The following ZDBF2 variants were observed in gnomAD, a reference collection of about 807,000 sequenced individuals.
ZDBF2 encodes zinc finger DBF-type containing 2.
In ZDBF2, 6 loss-of-function variants were observed where a neutral mutation model predicts 9.4. The ratio of observed to expected loss-of-function variants is 0.64; its 90% CI spans 0.35 to 1.27. The LOEUF is 1.27. Ranked by LOEUF, ZDBF2 falls within the 50% of genes most tolerant of loss-of-function variation. The probability of loss-of-function intolerance (pLI) is 0.03; values close to 1 mark genes in which losing one functional copy is unlikely to be tolerated. For missense variants in ZDBF2, 2,697 were observed against 2,766.8 expected, an observed-to-expected ratio of 0.97 and a Z score of 0.57; for synonymous variants, 905 against 946.3, an observed-to-expected ratio of 0.96 and a Z score of 0.80.
Position 206,311,812 on chromosome 2 carries a change from T to C in ZDBF2, c.*219T>C. ...AACAGCCTTTGTCCAACATTTTCTG[T>C]AGAAGAACTTCATCTTAATTTATGT... On this transcript the variant is annotated 3_prime_UTR_variant, in exon 5 of 5. Coordinates refer to ENST00000374423, the MANE Select transcript of ZDBF2 (RefSeq NM_020923.3). The C allele has an allele frequency of 2.8e-6, 1 of 356,886 alleles. No homozygotes were observed. The highest frequency in any genetic ancestry group is 4.8e-6 in the Non-Finnish European group (1 of 210,280). The allele number at this position is 356,886 out of a possible 1,614,324, so 22.1% of individuals were successfully genotyped here.
chr2:206,292,881 CAT>C (rs781448745), intron 3 of ZDBF2, among the ~76,000 whole-genome samples: 2 of 151,916 alleles, frequency 1.3e-5, no homozygotes, highest in Non-Finnish European at 2.9e-5. Context: ...ATATTGTAAA[CAT>C]GTCAGTTCTG....
At chr2:206,289,187 G>A (rs1404727483) in intron 3 of ZDBF2, among the ~76,000 whole-genome samples, 1 of 152,072 alleles carries the variant, frequency 6.6e-6, no homozygotes, top group Admixed American at 6.5e-5. Context: ...ATTTCCCCAG[G>A]GGGCAATGTG....
Position 206,308,554 on chromosome 2 carries a change from A to G in ZDBF2, c.4026A>G (p.Lys1342=), listed in dbSNP as rs1344843475. The stretch of plus-strand genomic sequence containing the variant: ...ATATCCCTCTTCAGTCAGTGATAAA[A>G]CAACCACACATTTTGGAAGAGGAGC... ...VSNIPLQSVI[K]QPHILEEEHA... The change falls in exon 5 of 5, where the codon AAA becomes AAG. Residue 1342 remains lysine, a synonymous_variant. Coordinates refer to ENST00000374423, the MANE Select transcript of ZDBF2 (RefSeq NM_020923.3). The G allele has an allele frequency of 6.2e-7, 1 of 1,613,634 alleles. No individual in the cohort carries two copies. The highest frequency in any genetic ancestry group is 8.5e-7 in the Non-Finnish European group (1 of 1,179,816).
chr2:206,311,844 A>G lies in ZDBF2; in HGVS notation c.*251A>G, dbSNP rs1183762104. The G allele has an allele frequency of 7.6e-6, 2 of 264,786 alleles. No homozygotes were observed. The highest frequency in any genetic ancestry group is 7.2e-5 in the East Asian group (1 of 13,894). 16.4% of individuals were successfully genotyped at this position (264,786 alleles called of 1,614,324 possible). A position where few individuals can be genotyped will look rare whatever the true frequency, so the allele number is the denominator to read the frequency against. On this transcript the variant is annotated 3_prime_UTR_variant, in exon 5 of 5. Coordinates refer to ENST00000374423, the MANE Select transcript of ZDBF2 (RefSeq NM_020923.3). ...ACTTCATCTTAATTTATGTCACAAA[A>G]TAATTTAGCACCGTATATAGAATTT...
At position 206,279,179 on chromosome 2, in the gene ZDBF2, G is replaced by C. The variant is rs1691182416; in HGVS notation, c.-102-361G>C. 2.0e-5 allele frequency among the ~76,000 whole-genome samples: 3 copies of C among 152,158 alleles called. No individual in the cohort carries two copies. The South Asian group carries it at 6.2e-4, about 32-fold the overall frequency. ...TCATTAAAGCTAACGTGGTACCTGA[G>C]CCTCGGGAAGTTTCTCATGAAGCTC... On this transcript the variant is annotated intron_variant, in intron 1 of 4. Transcript: ENST00000374423.
At chr2:206,299,194 T>A (rs1226772642) in intron 4 of ZDBF2, among the ~76,000 whole-genome samples, 1 of 152,126 alleles carries the variant, frequency 6.6e-6, no homozygotes, top group African/African-American at 2.4e-5. Context: ...TGCAACTATT[T>A]CTATGGTATA....
At chr2:206,288,703 C>A (rs1691725370) in intron 3 of ZDBF2, among the ~76,000 whole-genome samples, 3 of 152,048 alleles carry the variant, frequency 2.0e-5, no homozygotes, top group Admixed American at 2.0e-4. Flanking sequence ...CTTTTAGGCA[C>A]CCCCTAGTAG....
At chr2:206,287,274 A>C (rs1691651763) in intron 3 of ZDBF2, among the ~76,000 whole-genome samples, 1 of 152,228 alleles carries the variant, frequency 6.6e-6, no homozygotes, top group East Asian at 1.9e-4. Context: ...AGCGGTGATG[A>C]ATTCCTTCAG....
In ZDBF2 at chr2:206,306,950, G is replaced by C; in HGVS notation, c.2422G>C (p.Ala808Pro). Residue 808 changes from alanine to proline, a missense_variant, in exon 5 of 5, where the codon GCT (alanine) becomes CCT (proline). Coordinates refer to ENST00000374423, the MANE Select transcript of ZDBF2 (RefSeq NM_020923.3). Reference sequence around the variant, plus strand: ...TTCAGTAATTGACCAACCTGAAGTAGCTGTTTATGAGGAAGAAACTGTTGA... The same window carrying C: ...TTCAGTAATTGACCAACCTGAAGTACCTGTTTATGAGGAAGAAACTGTTGA... Reference protein sequence around the residue: ...LYSVIDQPEVAVYEEETVDLE... With the variant: ...LYSVIDQPEVPVYEEETVDLE... The C allele has an allele frequency of 6.2e-7, 1 of 1,613,694 alleles. No homozygotes were observed. Among genetic ancestry groups the C allele is most frequent in the Non-Finnish European group, 8.5e-7 (1 of 1,179,750 alleles).
At chr2:206,301,556 G>T (rs145503678) in intron 4 of ZDBF2, among the ~76,000 whole-genome samples, 72 of 152,022 alleles carry the variant, frequency 4.7e-4, no homozygotes, top group African/African-American at 1.6e-3. Context: ...ATGTGTGTGT[G>T]TATATCTCAT....
At chr2:206,282,232 T>G (rs1015154272) in intron 3 of ZDBF2, among the ~76,000 whole-genome samples, 8 of 152,170 alleles carry the variant, frequency 5.3e-5, no homozygotes, top group African/African-American at 1.9e-4. Context: ...TTTAAGGAAG[T>G]GACATTGAGT....
chr2:206,306,930 T>C lies in ZDBF2; in HGVS notation c.2402T>C (p.Val801Ala). 3 of 1,613,712 alleles carry C rather than the reference T, an allele frequency of 1.9e-6. No individual in the cohort carries two copies. The highest frequency in any genetic ancestry group is 2.5e-6 in the Non-Finnish European group (3 of 1,179,744). The change falls in exon 5 of 5, where the codon GTA becomes GCA. Residue 801 changes from valine (V) to alanine (A), a missense_variant. Val to Ala is a moderately conservative substitution (Grantham distance 64). This residue lies in a region of ZDBF2 where 910 missense variants were observed against 973.6 expected (regional missense o/e 0.93). Transcript: ENST00000374423. ...TFDSDIPLYS[V>A]IDQPEVAVYE... ...GATTCTGATATTCCTCTTTATTCAG[T>C]AATTGACCAACCTGAAGTAGCTGTT...
intron 3 of ZDBF2, 43 bp from the exon 4 acceptor site, chr2:206,297,203 A>G (rs1410751494): frequency 4.7e-6 from 4 of 856,908 alleles, no homozygotes; most frequent in Non-Finnish European, 7.8e-6. Context: ...TCACTACTGA[A>G]TACTGTCCAT....
chr2:206,312,127 CA>C lies in ZDBF2; in HGVS notation c.*537del, dbSNP rs963360348. The C allele has an allele frequency of 1.3e-5, 2 of 152,094 alleles. No individual in the cohort carries two copies. The highest frequency in any genetic ancestry group is 1.3e-4 in the Admixed American group (2 of 15,266). 9.4% of individuals were successfully genotyped at this position (152,094 alleles called of 1,614,324 possible). A position where few individuals can be genotyped will look rare whatever the true frequency, so the allele number is the denominator to read the frequency against. On this transcript the variant is annotated 3_prime_UTR_variant, in exon 5 of 5. Coordinates refer to ENST00000374423, the MANE Select transcript of ZDBF2 (RefSeq NM_020923.3). ...CTGGTGATTTTTTTTATGCATAGCA[CA>C]AACTCCTCCTGCTTCATTTAAATTG...
chr2:206,308,271 A>T lies in ZDBF2; in HGVS notation c.3743A>T (p.Asp1248Val), dbSNP rs1188091272. 1 of 1,613,918 alleles carries T rather than the reference A, an allele frequency of 6.2e-7. No individual in the cohort carries two copies. Among genetic ancestry groups the T allele is most frequent in the East Asian group, 2.2e-5 (1 of 44,882 alleles). The change falls in exon 5 of 5, where the codon GAT becomes GTT. Residue 1248 changes from aspartate to valine, a missense_variant. Physicochemically the swap from Asp to Val is radical, Grantham distance 152. Transcript: ENST00000374423. ...GGTTTTGAAATTATGTATGATTCTG[A>T]TGTTCTTCAGCCAGTGGCTGGCCAA... is the stretch of plus-strand genomic sequence containing the variant. ...AKGFEIMYDS[D>V]VLQPVAGQPE...
At chr2:206,288,694 T>A (rs1356097803) in intron 3 of ZDBF2, among the ~76,000 whole-genome samples, 2 of 152,076 alleles carry the variant, frequency 1.3e-5, no homozygotes, top group African/African-American at 4.8e-5. Context: ...GACCTGTAAC[T>A]TTTAGGCACC....
At chr2:206,302,427 A>G (rs1692554027) in intron 4 of ZDBF2, among the ~76,000 whole-genome samples, 2 of 152,236 alleles carry the variant, frequency 1.3e-5, no homozygotes, top group African/African-American at 2.4e-5. Context: ...CATATTATAC[A>G]CACACAAATA....
intron 2 of ZDBF2, among the ~76,000 whole-genome samples, chr2:206,280,696 G>A (rs1165410467): frequency 2.0e-5 from 3 of 152,142 alleles, no homozygotes; most frequent in Non-Finnish European, 4.4e-5. Context: ...ATAATAAGAA[G>A]TAATAGGTAA....
chr2:206,286,915 C>T (rs1026185578), intron 3 of ZDBF2, among the ~76,000 whole-genome samples: 2 of 152,110 alleles, frequency 1.3e-5, no homozygotes, highest in Admixed American at 6.6e-5. Flanking sequence ...TCTGTCTTAT[C>T]GTTGCAGTTT....
Sources: allele counts gnomAD v4.1 joint callset (sites outside exome capture counted in the v4.1 genomes callset), GRCh38; gene constraint gnomAD v4.1.1; regional missense constraint gnomAD v4.1.1; transcripts MANE v1.5; gene names NCBI Gene and HGNC (gene_info 2026-07-23, HGNC 2026-07-21).